The following CYP7B1 variants were observed in gnomAD, a reference collection of about 807,000 sequenced individuals.
The protein encoded by CYP7B1 is cytochrome P450 7B1.
CYP7B1 carries 29 observed loss-of-function variants against 42.7 expected under a neutral mutation model. The observed-to-expected ratio is 0.68, with a 90% CI of 0.51 to 0.93. The LOEUF (loss-of-function observed/expected upper bound fraction) is 0.93, where lower values mean the gene tolerates loss of function less well. CYP7B1 is among the 40% of genes least tolerant of loss of function. The probability of loss-of-function intolerance (pLI) is 0.00; values close to 1 mark genes in which losing one functional copy is unlikely to be tolerated. For synonymous variants in CYP7B1, 235 were observed against 218.2 expected (o/e 1.08, Z -0.68); for missense variants, 655 against 600.5 (o/e 1.09, Z -0.95).
chr8:64,649,833 T>A (rs1042284173), intron 1 of CYP7B1, among the ~76,000 whole-genome samples: 1 of 152,236 alleles, frequency 6.6e-6, no homozygotes, highest in Non-Finnish European at 1.5e-5. Flanking sequence ...TCTTTCCATG[T>A]GTTTATTGGT....
At chr8:64,673,904 A>G (rs1023398098) in intron 1 of CYP7B1, among the ~76,000 whole-genome samples, 1 of 152,158 alleles carries the variant, frequency 6.6e-6, no homozygotes, top group Non-Finnish European at 1.5e-5. Context: ...TGACTGGAAA[A>G]GGAAAAAATA....
chr8:64,608,492 T>C (rs77144304), intron 4 of CYP7B1, among the ~76,000 whole-genome samples: 1 of 152,214 alleles, frequency 6.6e-6, no homozygotes, highest in South Asian at 2.1e-4. Flanking sequence ...TGCCATTTGA[T>C]TAGCCATGGT....
At chr8:64,627,139 C>T (rs1354860892) in intron 1 of CYP7B1, among the ~76,000 whole-genome samples, 1 of 152,210 alleles carries the variant, frequency 6.6e-6, no homozygotes, top group Admixed American at 6.5e-5. Flanking sequence ...TTTAAATGCA[C>T]ATACTTAGAA....
chr8:64,789,029 T>A (rs1345384919), intron 1 of CYP7B1, among the ~76,000 whole-genome samples: 1 of 152,136 alleles, frequency 6.6e-6, no homozygotes, highest in Non-Finnish European at 1.5e-5. Context: ...CAAATGATTC[T>A]CCTGCCTCAG....
chr8:64,721,089 C>T (rs1353944524), intron 1 of CYP7B1, among the ~76,000 whole-genome samples: 1 of 151,014 alleles, frequency 6.6e-6, no homozygotes, highest in Non-Finnish European at 1.5e-5. Context: ...TGATTCTTAC[C>T]TGGTTTTTTT....
intron 1 of CYP7B1, among the ~76,000 whole-genome samples, chr8:64,762,929 A>G (rs1473382860): frequency 6.6e-6 from 1 of 152,236 alleles, no homozygotes; most frequent in Non-Finnish European, 1.5e-5. Context: ...TAAGACAGAG[A>G]AGGTGAATAA....
At chr8:64,706,711 GTC>G (rs1311821319) in intron 1 of CYP7B1, among the ~76,000 whole-genome samples, 1 of 151,900 alleles carries the variant, frequency 6.6e-6, no homozygotes, top group Non-Finnish European at 1.5e-5. Flanking sequence ...TAAAGAGGCT[GTC>G]CTGAATCACC....
At position 64,798,397 on chromosome 8, in the gene CYP7B1, C is replaced by T. The variant is rs1437196268; in HGVS notation, c.122+69G>A. ...GGAAATCATGGAGGGGGACTCCCCT[C>T]GCCATCTGGGTCGCGCGCGGCCCGC... On this transcript the variant is annotated intron_variant, in intron 1 of 5. Coordinates refer to ENST00000310193, the MANE Select transcript of CYP7B1 (RefSeq NM_004820.5). 1.0e-5 allele frequency: 15 copies of T among 1,434,346 alleles called. No homozygotes were observed. In the South Asian group the frequency reaches 1.9e-4, roughly 18 times the overall value. The allele number at this position is 1,434,346 out of a possible 1,614,324, so 88.9% of individuals were successfully genotyped here. A position where few individuals can be genotyped will look rare whatever the true frequency, so the allele number is the denominator to read the frequency against.
chr8:64,663,586 C>A (rs1806231560), intron 1 of CYP7B1, among the ~76,000 whole-genome samples: 1 of 152,176 alleles, frequency 6.6e-6, no homozygotes, highest in Non-Finnish European at 1.5e-5. Flanking sequence ...AACCCTTCTA[C>A]CTCCTAAAAG....
In CYP7B1 at chr8:64,731,286, G is replaced by C. The variant is rs149092262; in HGVS notation, c.122+67180C>G. 1.3e-3 allele frequency among the ~76,000 whole-genome samples: 198 copies of C among 152,312 alleles called. 1 individual carries two copies. The highest frequency in any genetic ancestry group is 6.8e-3 in the Middle Eastern group (2 of 294). On this transcript the variant is annotated intron_variant, in intron 1 of 5. Coordinates refer to ENST00000310193, the MANE Select transcript of CYP7B1 (RefSeq NM_004820.5). ...TCAGAAGACAGAAAGTTGTGGGAAA[G>C]TTTGGAACTTCCTGGTCTCAGATGG...
At chr8:64,673,164 A>T (rs1046651325) in intron 1 of CYP7B1, among the ~76,000 whole-genome samples, 3 of 151,866 alleles carry the variant, frequency 2.0e-5, no homozygotes, top group Admixed American at 2.0e-4. Flanking sequence ...TTCATGGGGG[A>T]TGTGTCCTGT....
intron 1 of CYP7B1, among the ~76,000 whole-genome samples, chr8:64,668,017 G>T (rs1243747363): frequency 6.6e-6 from 1 of 152,150 alleles, no homozygotes; most frequent in African/African-American, 2.4e-5. Flanking sequence ...ATCTTCCAAA[G>T]AATTCTTACA....
intron 1 of CYP7B1, among the ~76,000 whole-genome samples, chr8:64,735,811 G>C (rs949379665): frequency 1.5e-4 from 23 of 152,108 alleles, no homozygotes; most frequent in African/African-American, 5.6e-4. Context: ...AACTGGAAAA[G>C]GGTAAGAATT....
At chr8:64,639,350 A>G (rs1805820613) in intron 1 of CYP7B1, among the ~76,000 whole-genome samples, 1 of 152,134 alleles carries the variant, frequency 6.6e-6, no homozygotes, top group South Asian at 2.1e-4. Context: ...ATTGAAATAT[A>G]TAGATGCTGA....
intron 4 of CYP7B1, 118 bp from the exon 5 acceptor site, chr8:64,604,975 T>A: frequency 1.7e-6 from 2 of 1,186,476 alleles, no homozygotes; most frequent in Non-Finnish European, 1.2e-6. Flanking sequence ...TGTTTCTTCA[T>A]CACATACATT....
At chr8:64,621,483 G>A (rs1260351698) in intron 2 of CYP7B1, among the ~76,000 whole-genome samples, 1 of 152,110 alleles carries the variant, frequency 6.6e-6, no homozygotes, top group Admixed American at 6.5e-5. Flanking sequence ...TAACATTCTG[G>A]CAGAAAGAAC....
chr8:64,602,012 C>T lies in CYP7B1; in HGVS notation c.1233+2670G>A, dbSNP rs576864180. Among the ~76,000 whole-genome samples, 613 of 152,230 alleles carry T rather than the reference C, an allele frequency of 4.0e-3. 2 individuals carry two copies. The highest frequency in any genetic ancestry group is 8.3e-3 in the South Asian group (40 of 4,824). On this transcript the variant is annotated intron_variant, in intron 5 of 5. Coordinates refer to ENST00000310193, the MANE Select transcript of CYP7B1 (RefSeq NM_004820.5). ...TCCTGATTTAAAATTATAACTGAAG[C>T]ATATTTTCACTCTCAGTACATTTAT...
chr8:64,756,583 C>T (rs567290683), intron 1 of CYP7B1, among the ~76,000 whole-genome samples: 6 of 152,258 alleles, frequency 3.9e-5, no homozygotes, highest in African/African-American at 9.6e-5. Flanking sequence ...GAACAAGGCA[C>T]GGCGAGAAGA....
intron 1 of CYP7B1, among the ~76,000 whole-genome samples, chr8:64,651,945 T>A (rs1585833324): frequency 6.6e-6 from 1 of 152,192 alleles, no homozygotes; most frequent in East Asian, 1.9e-4. Context: ...TGCTGGGTGG[T>A]TGTGAGTATT....
Sources: gnomAD v4.1 joint callset for allele counts (sites outside exome capture counted in the v4.1 genomes callset) on GRCh38, gnomAD v4.1.1 for gene constraint, MANE v1.5 for transcripts, NCBI Gene and HGNC (gene_info 2026-07-23, HGNC 2026-07-21) for gene names.